The following FYTTD1 variants were observed in gnomAD, a reference collection of about 807,000 sequenced individuals.
FYTTD1 encodes forty-two-three domain containing 1, also known as UAP56-interacting factor.
Under a neutral mutation model 40.9 loss-of-function variants are expected in FYTTD1, and 22 were observed. That is an observed-to-expected ratio of 0.54 (90% CI 0.38 to 0.77). The LOEUF is 0.77. Among genes scored for constraint, FYTTD1 ranks in the 30% least tolerant of loss-of-function variants. FYTTD1 has a pLI of 0.00. For synonymous variants in FYTTD1, 140 were observed against 137.9 expected (o/e 1.01, Z -0.10); for missense variants, 351 against 392.2 (o/e 0.90, Z 0.89).
At chr3:197,758,531 A>G (rs184520362) in intron 2 of FYTTD1, among the ~76,000 whole-genome samples, 22 of 152,338 alleles carry the variant, frequency 1.4e-4, no homozygotes, top group African/African-American at 5.0e-4. Flanking sequence ...GAGATTTTGT[A>G]CTAAGAAGAT....
chr3:197,761,205 C>T (rs1560494467), intron 2 of FYTTD1, among the ~76,000 whole-genome samples: 1 of 149,860 alleles, frequency 6.7e-6, no homozygotes, highest in East Asian at 2.0e-4. Flanking sequence ...ATAGAGTGTT[C>T]TTCAGTGGTA....
upstream of FYTTD1, chr3:197,749,828 C>A: frequency 2.0e-6 from 1 of 497,826 alleles, no homozygotes; most frequent in Non-Finnish European, 3.4e-6. Context: ...GGCCCCGCCC[C>A]GCCCGCAGCC....
chr3:197,772,254 C>G (rs1227111330), intron 4 of FYTTD1, among the ~76,000 whole-genome samples: 2 of 152,128 alleles, frequency 1.3e-5, no homozygotes, highest in Admixed American at 1.3e-4. Context: ...TTAGCTAGGG[C>G]AGTTTTGAAC....
In FYTTD1 at chr3:197,785,858, A is replaced by G. The variant is rs1227062405; in HGVS notation, c.*3949A>G. On this transcript the variant is annotated 3_prime_UTR_variant, in exon 9 of 9. Coordinates refer to ENST00000241502, the MANE Select transcript of FYTTD1 (RefSeq NM_032288.7). Reference sequence around the variant, plus strand: ...TTATTATTATTATTATTATTTTGCCACTGTGAAAAAGCAGTTAAGCATGTA... The same window carrying G: ...TTATTATTATTATTATTATTTTGCCGCTGTGAAAAAGCAGTTAAGCATGTA... The G allele has an allele frequency of 3.3e-5, 5 of 151,540 alleles. No homozygotes were observed. The highest frequency in any genetic ancestry group is 1.2e-4 in the African/African-American group (5 of 41,328). 9.4% of individuals were successfully genotyped at this position (151,540 alleles called of 1,614,324 possible).
intron 2 of FYTTD1, among the ~76,000 whole-genome samples, chr3:197,759,749 A>G (rs1292608982): frequency 6.6e-6 from 1 of 151,672 alleles, no homozygotes; most frequent in Non-Finnish European, 1.5e-5. Context: ...CTTCAGTGGT[A>G]GAACATATAG....
chr3:197,772,716 C>A (rs771841817), intron 4 of FYTTD1, among the ~76,000 whole-genome samples: 18 of 152,328 alleles, frequency 1.2e-4, no homozygotes, highest in Non-Finnish European at 2.1e-4. Flanking sequence ...TGAAGCAATT[C>A]TCATGCTTCA....
intron 1 of FYTTD1, chr3:197,750,714 C>T: frequency 5.1e-6 from 5 of 985,504 alleles, no homozygotes; most frequent in Non-Finnish European, 6.0e-6. Context: ...GTATTGAGCG[C>T]TGCCTAGAAA....
Position 197,749,931 on chromosome 3 carries a change from C to T in FYTTD1, c.-41C>T, listed in dbSNP as rs1361655614. 5 of 1,385,280 alleles carry T rather than the reference C, an allele frequency of 3.6e-6. No homozygotes were observed. Among genetic ancestry groups the T allele is most frequent in the Admixed American group, 2.2e-5 (1 of 46,080 alleles). 85.8% of individuals were successfully genotyped at this position (1,385,280 alleles called of 1,614,324 possible). On this transcript the variant is annotated 5_prime_UTR_variant, in exon 1 of 9. Coordinates refer to ENST00000241502, the MANE Select transcript of FYTTD1 (RefSeq NM_032288.7). ...GTGGGAGGTGGCAGGCCTGCGACTC[C>T]GGCCTTGTCCGCGCCCGCTCTCGGC... is the stretch of plus-strand genomic sequence containing the variant.
chr3:197,778,978 G>T (rs111794882), intron 8 of FYTTD1, among the ~76,000 whole-genome samples: 122 of 152,250 alleles, frequency 8.0e-4, no homozygotes, highest in Middle Eastern at 6.8e-3. Context: ...TTTTTTCCTA[G>T]AAGAGTCTGT....
chr3:197,775,476 G>A (rs188271350), intron 6 of FYTTD1, among the ~76,000 whole-genome samples: 19 of 151,858 alleles, frequency 1.3e-4, no homozygotes, highest in African/African-American at 4.6e-4. Context: ...CCATATCCGC[G>A]GATTGTCTCT....
At chr3:197,756,848 C>T (rs1006840705) in intron 2 of FYTTD1, among the ~76,000 whole-genome samples, 4 of 152,190 alleles carry the variant, frequency 2.6e-5, no homozygotes, top group Non-Finnish European at 5.9e-5. Context: ...ATATCATGAG[C>T]TCCTATCTTC....
At position 197,786,075 on chromosome 3, in the gene FYTTD1, CCA is replaced by C. The variant is rs1730146030; in HGVS notation, c.*4169_*4170del. 6.6e-6 allele frequency: 1 copy of C among 150,602 alleles called. No homozygotes were observed. Among genetic ancestry groups the C allele is most frequent in the Non-Finnish European group, 1.5e-5 (1 of 67,716 alleles). 9.3% of individuals were successfully genotyped at this position (150,602 alleles called of 1,614,324 possible). On this transcript the variant is annotated 3_prime_UTR_variant, in exon 9 of 9. Coordinates refer to ENST00000241502, the MANE Select transcript of FYTTD1 (RefSeq NM_032288.7). ...CTAATATCTTTTATTTCCCTTCTCA[CCA>C]CAGTTTATTTTCTTTTTTCTTTTTC... is the stretch of plus-strand genomic sequence containing the variant.
chr3:197,750,209 G>T (rs1221290140), intron 1 of FYTTD1, 135 bp downstream of exon 1: 2 of 837,486 alleles, frequency 2.4e-6, no homozygotes, highest in African/African-American at 3.6e-5. Flanking sequence ...GACCCGAGCG[G>T]AGGCCCGGAG....
Position 197,750,134 on chromosome 3 carries a change from G to A in FYTTD1, c.103+60G>A, listed in dbSNP as rs552574564. On this transcript the variant is annotated intron_variant, in intron 1 of 8. Coordinates refer to ENST00000241502, the MANE Select transcript of FYTTD1 (RefSeq NM_032288.7). ...GGGAGGGCGCGGGTGGAAGCCGGCG[G>A]CGCGGTTTGTGGGGGCAGGGGCGGT... 3.7e-5 allele frequency: 50 copies of A among 1,347,050 alleles called. No individual in the cohort carries two copies. In the African/African-American group the frequency reaches 6.6e-4, roughly 18 times the overall value. 83.4% of individuals were successfully genotyped at this position (1,347,050 alleles called of 1,614,324 possible). A position where few individuals can be genotyped will look rare whatever the true frequency, so the allele number is the denominator to read the frequency against.
At chr3:197,772,456 C>T (rs1456726084) in intron 4 of FYTTD1, among the ~76,000 whole-genome samples, 4 of 151,994 alleles carry the variant, frequency 2.6e-5, no homozygotes, top group South Asian at 2.1e-4. Context: ...AATTAGGTGC[C>T]GCAAACCACC....
At chr3:197,767,573 T>A (rs1729589316) in intron 2 of FYTTD1, among the ~76,000 whole-genome samples, 1 of 152,058 alleles carries the variant, frequency 6.6e-6, no homozygotes, top group African/African-American at 2.4e-5. Flanking sequence ...CAAGCAATCC[T>A]CTCACCCCAG....
chr3:197,756,727 C>T (rs1438009121), intron 2 of FYTTD1, among the ~76,000 whole-genome samples, 170 bp downstream of exon 2: 1 of 152,196 alleles, frequency 6.6e-6, no homozygotes, highest in African/African-American at 2.4e-5. Flanking sequence ...ATTTCAGTAG[C>T]CTTCAATAGA....
chr3:197,770,377 T>C lies in FYTTD1; in HGVS notation c.497+133T>C, dbSNP rs1580460750. The C allele has an allele frequency of 9.4e-6, 6 of 639,096 alleles. No homozygotes were observed. The East Asian group carries it at 1.4e-4, about 15-fold the overall frequency. 39.6% of individuals were successfully genotyped at this position (639,096 alleles called of 1,614,324 possible). On this transcript the variant is annotated intron_variant, in intron 4 of 8. Coordinates refer to ENST00000241502, the MANE Select transcript of FYTTD1 (RefSeq NM_032288.7). The stretch of plus-strand genomic sequence containing the variant: ...TCAAGACAGATATTTGGGATGTCTA[T>C]CTGAACATCCACATGGATGTATCCA...
intron 2 of FYTTD1, among the ~76,000 whole-genome samples, chr3:197,763,267 A>C (rs775476596): frequency 6.6e-6 from 1 of 151,984 alleles, no homozygotes; most frequent in Non-Finnish European, 1.5e-5. Flanking sequence ...TACAACAATT[A>C]GCCGGGTGTG....
Sources: gnomAD v4.1 joint callset for allele counts (sites outside exome capture counted in the v4.1 genomes callset) on GRCh38, gnomAD v4.1.1 for gene constraint, MANE v1.5 for transcripts, NCBI Gene and HGNC (gene_info 2026-07-23, HGNC 2026-07-21) for gene names.